TNKS: variants seen among roughly 807,000 people sequenced by gnomAD.
TNKS encodes the protein poly [ADP-ribose] polymerase tankyrase-1.
Under a neutral mutation model 135.8 loss-of-function variants are expected in TNKS, and 72 were observed. The ratio of observed to expected loss-of-function variants is 0.53; its 90% CI spans 0.44 to 0.64. The LOEUF (loss-of-function observed/expected upper bound fraction) is 0.64, where lower values mean the gene tolerates loss of function less well. TNKS is among the 30% of genes least tolerant of loss of function. TNKS has a pLI of 0.00. For synonymous variants in TNKS, 849 were observed against 649.3 expected (o/e 1.31, Z -4.68); for missense variants, 1,769 against 1,674.0 (o/e 1.06, Z -0.99).
rs112155341 is a variant in TNKS, at chr8:9,766,850, C to A, written c.3740+425C>A. Among the ~76,000 whole-genome samples the A allele has an allele frequency of 1.8e-3, 271 of 152,254 alleles. 3 individuals are homozygous for A. Among genetic ancestry groups the A allele is most frequent in the African/African-American group, 5.8e-3 (242 of 41,568 alleles). Reference sequence around the variant, plus strand: ...CTCAGTCTTGCATCCCGGTAAATCCCGTTGGTTCTGGGAATGGGTGGGAAC... The same window carrying A: ...CTCAGTCTTGCATCCCGGTAAATCCAGTTGGTTCTGGGAATGGGTGGGAAC... On this transcript the variant is annotated intron_variant, in intron 25 of 26. Transcript: ENST00000310430.
intron 12 of TNKS, 140 bp downstream of exon 12, chr8:9,720,685 A>G (rs1230511240): frequency 8.3e-6 from 8 of 969,294 alleles, no homozygotes; most frequent in South Asian, 5.8e-5. Context: ...GGACTTCCCC[A>G]TCTCCCTTTT....
At chr8:9,771,457 A>AGAAG (rs138774352) in intron 26 of TNKS, among the ~76,000 whole-genome samples, 25,788 of 101,804 alleles carry the variant, frequency 0.25, 3,015 homozygotes, top group Admixed American at 0.31. Flanking sequence ...AAGAGAGAGA[A>AGAAG]GAAGGGAGGG....
At position 9,778,144 on chromosome 8, in the gene TNKS, TA is replaced by T. The variant is rs10707070; in HGVS notation, c.*1417del. 125,525 of 152,374 alleles carry T rather than the reference TA, an allele frequency of 0.82. 52,217 individuals carry two copies. The highest frequency in any genetic ancestry group is 0.91 in the African/African-American group (37,841 of 41,416). The allele number at this position is 152,374 out of a possible 1,614,324, so 9.4% of individuals were successfully genotyped here. On this transcript the variant is annotated 3_prime_UTR_variant, in exon 27 of 27. Transcript: ENST00000310430. ...ATTTACCAAGTGCCATTGACATTTA[TA>T]AAAAAAAATGATCCTTTATAGTTCT...
At chr8:9,714,579 A>T (rs545989513) in intron 11 of TNKS, among the ~76,000 whole-genome samples, 1 of 152,266 alleles carries the variant, frequency 6.6e-6, no homozygotes, top group Non-Finnish European at 1.5e-5. Context: ...AGACTGTAGT[A>T]GATACTGTGG....
intron 3 of TNKS, among the ~76,000 whole-genome samples, chr8:9,620,555 C>G (rs1445916468): frequency 6.6e-6 from 1 of 152,164 alleles, no homozygotes; most frequent in Non-Finnish European, 1.5e-5. Flanking sequence ...TTAACAGTGG[C>G]CTGTCCTGAT....
At chr8:9,676,700 G>GTGTC (rs1802556733) in intron 3 of TNKS, among the ~76,000 whole-genome samples, 1 of 151,576 alleles carries the variant, frequency 6.6e-6, no homozygotes, top group South Asian at 2.1e-4. Context: ...GTGTGTGTGT[G>GTGTC]TGTGTGTGTG....
chr8:9,637,103 A>G (rs186674450), intron 3 of TNKS, among the ~76,000 whole-genome samples: 1 of 152,334 alleles, frequency 6.6e-6, no homozygotes, highest in Admixed American at 6.5e-5. Flanking sequence ...TGGAAACTGC[A>G]TAATTATCTC....
At chr8:9,758,283 T>TC (rs1806950421) in intron 20 of TNKS, among the ~76,000 whole-genome samples, 1 of 152,220 alleles carries the variant, frequency 6.6e-6, no homozygotes, top group African/African-American at 2.4e-5. Flanking sequence ...TGTATATTTA[T>TC]ATTCAGTTGC....
At chr8:9,707,084 C>G in intron 8 of TNKS, 87 bp downstream of exon 8, 4 of 1,166,616 alleles carry the variant, frequency 3.4e-6, no homozygotes, top group Non-Finnish European at 4.7e-6. Context: ...TAATAACCTT[C>G]CATTCTTACA....
chr8:9,556,075 G>C lies in TNKS; in HGVS notation c.136G>C (p.Ala46Pro), dbSNP rs1323405710. ...SPGLAPGTTP[A>P]SPTASGLAPF... ...TGGCCTGGCCCCGGGGACCACCCCA[G>C]CCTCTCCCACGGCCAGCGGCCTGGC... The change falls in exon 1 of 27, where the codon GCC becomes CCC. Residue 46 changes from alanine to proline, a missense_variant. Transcript: ENST00000310430. The C allele has an allele frequency of 6.2e-7, 1 of 1,606,400 alleles. No individual in the cohort carries two copies. Among genetic ancestry groups the C allele is most frequent in the Admixed American group, 1.7e-5 (1 of 59,404 alleles).
chr8:9,682,610 C>G (rs1449657481), intron 5 of TNKS, among the ~76,000 whole-genome samples: 1 of 151,936 alleles, frequency 6.6e-6, no homozygotes, highest in Non-Finnish European at 1.5e-5. Flanking sequence ...TCTTTTACTC[C>G]TCTACTAGCT....
At chr8:9,572,641 G>A (rs557428013) in intron 1 of TNKS, among the ~76,000 whole-genome samples, 10 of 152,176 alleles carry the variant, frequency 6.6e-5, no homozygotes, top group East Asian at 1.9e-4. Flanking sequence ...AGACCTGTAC[G>A]AGAAAGCGAG....
intron 3 of TNKS, among the ~76,000 whole-genome samples, chr8:9,662,409 G>A (rs1358487918): frequency 1.3e-5 from 2 of 152,150 alleles, no homozygotes. Flanking sequence ...GGAATACTAT[G>A]CAGCCATAAA....
At chr8:9,667,029 C>T (rs189023767) in intron 3 of TNKS, among the ~76,000 whole-genome samples, 2 of 152,038 alleles carry the variant, frequency 1.3e-5, no homozygotes, top group Non-Finnish European at 1.5e-5. Context: ...TTGAGTGTTC[C>T]GATTTTTATG....
At chr8:9,569,128 C>T (rs923400743) in intron 1 of TNKS, among the ~76,000 whole-genome samples, 2 of 152,184 alleles carry the variant, frequency 1.3e-5, no homozygotes, top group Admixed American at 1.3e-4. Flanking sequence ...GCAAGTGTTA[C>T]AGAATTCTAG....
intron 1 of TNKS, among the ~76,000 whole-genome samples, chr8:9,567,996 G>A (rs1187846786): frequency 6.6e-6 from 1 of 152,112 alleles, no homozygotes; most frequent in Non-Finnish European, 1.5e-5. Flanking sequence ...TTGTCCTGGA[G>A]CGTTTCTTAA....
At chr8:9,610,801 G>T (rs1799434665) in intron 2 of TNKS, among the ~76,000 whole-genome samples, 1 of 152,060 alleles carries the variant, frequency 6.6e-6, no homozygotes, top group Non-Finnish European at 1.5e-5. Flanking sequence ...TCTATGTCTT[G>T]TGTCTTTTAA....
rs558333676 is a variant in TNKS at position 9,583,039 on chromosome 8, C to T, written c.898+2656C>T. Among the ~76,000 whole-genome samples the T allele has an allele frequency of 3.3e-5, 5 of 151,830 alleles. No individual in the cohort carries two copies. The South Asian group carries it at 8.3e-4, about 25-fold the overall frequency. On this transcript the variant is annotated intron_variant, in intron 2 of 26. Coordinates refer to ENST00000310430, the MANE Select transcript of TNKS (RefSeq NM_003747.3). ...AAAATTAGCTGGGTGTGGTGGCGGG[C>T]ACCTATTGTCCCAGCTACTTAGGAG... is the stretch of plus-strand genomic sequence containing the variant.
At chr8:9,693,884 C>CT (rs1803391436) in intron 5 of TNKS, among the ~76,000 whole-genome samples, 1 of 152,128 alleles carries the variant, frequency 6.6e-6, no homozygotes, top group Admixed American at 6.5e-5. Flanking sequence ...CATTGCCTGG[C>CT]TAAGGTAGGG....
Sources: allele counts gnomAD v4.1 joint callset (sites outside exome capture counted in the v4.1 genomes callset), GRCh38; gene constraint gnomAD v4.1.1; transcripts MANE v1.5; gene names NCBI Gene and HGNC (gene_info 2026-07-23, HGNC 2026-07-21).